Variants in BACH2 observed in about 807,000 individuals in gnomAD.
BACH2 encodes BACH transcriptional regulator 2, also known as transcription regulator protein BACH2.
In BACH2, 5 loss-of-function variants were observed where a neutral mutation model predicts 61.8. The observed-to-expected ratio is 0.08, with a 90% confidence interval of 0.04 to 0.17. The LOEUF (loss-of-function observed/expected upper bound fraction) is 0.17. Ranked by LOEUF, BACH2 falls within the 10% of genes least tolerant of loss-of-function variation. The probability of loss-of-function intolerance (pLI) is 1.00; values close to 1 mark genes in which losing one functional copy is unlikely to be tolerated. For synonymous variants in BACH2, 446 were observed against 440.1 expected, an observed-to-expected ratio of 1.01 and a Z score of -0.17; for missense variants, 824 against 1,091.1, an observed-to-expected ratio of 0.76 and a Z score of 3.45.
At chr6:90,245,236 T>G (rs768943150) in intron 3 of BACH2, among the ~76,000 whole-genome samples, 5 of 151,796 alleles carry the variant, frequency 3.3e-5, no homozygotes, top group Non-Finnish European at 7.4e-5. Context: ...TTAAGTAAAC[T>G]GATGAAAATT....
chr6:90,067,707 CT>C (rs1781030872), intron 5 of BACH2, among the ~76,000 whole-genome samples: 2 of 152,112 alleles, frequency 1.3e-5, no homozygotes, highest in African/African-American at 4.8e-5. Context: ...TGCCATTGAG[CT>C]TTGTTTGTTA....
chr6:90,244,110 C>G (rs1302482901), intron 3 of BACH2, among the ~76,000 whole-genome samples: 2 of 152,016 alleles, frequency 1.3e-5, no homozygotes, highest in African/African-American at 4.8e-5. Context: ...TTAGTAGGGA[C>G]AGGGTTTCAC....
At chr6:90,216,507 CTG>C (rs1259085870) in intron 3 of BACH2, among the ~76,000 whole-genome samples, 1 of 152,182 alleles carries the variant, frequency 6.6e-6, no homozygotes, top group Admixed American at 6.5e-5. Flanking sequence ...GGGAAACTCA[CTG>C]TAAGGGAGTC....
chr6:90,265,420 G>A (rs2127877864), intron 2 of BACH2, among the ~76,000 whole-genome samples: 1 of 152,266 alleles, frequency 6.6e-6, no homozygotes, highest in Admixed American at 6.5e-5. Flanking sequence ...ATTTTCTTTG[G>A]GATGCAAACA....
chr6:90,115,874 A>G (rs1005926604), intron 4 of BACH2, among the ~76,000 whole-genome samples: 3 of 152,196 alleles, frequency 2.0e-5, no homozygotes, highest in African/African-American at 7.2e-5. Context: ...ACGAACAAAC[A>G]CTTCTCAAAA....
chr6:90,033,149 T>C (rs138038339), intron 5 of BACH2, among the ~76,000 whole-genome samples: 2,229 of 151,732 alleles, frequency 0.015, 66 homozygotes, highest in African/African-American at 0.05. Flanking sequence ...TAGGTGCGAA[T>C]TGAACAATGA....
chr6:89,984,856 G>A (rs1446327688), intron 6 of BACH2, among the ~76,000 whole-genome samples: 6 of 152,020 alleles, frequency 3.9e-5, no homozygotes, highest in Admixed American at 3.3e-4. Flanking sequence ...TTTAACACAC[G>A]AATCATACTT....
chr6:90,273,359 A>T (rs1442311805), intron 1 of BACH2, among the ~76,000 whole-genome samples: 1 of 152,132 alleles, frequency 6.6e-6, no homozygotes, highest in African/African-American at 2.4e-5. Context: ...CTCTGTTTCT[A>T]AAAAAAGTGG....
Position 89,951,364 on chromosome 6 carries a change from G to C in BACH2, c.742C>G (p.His248Asp), listed in dbSNP as rs1209220098. ...GTGCTTGCAAAACCTGAGGTACTGT[G>C]TGATGATGCATTATAGACATTCTTG... ...CTKNVYNASS[H>D]STSGFASTFR... Residue 248 changes from histidine to aspartate, a missense_variant, in exon 7 of 9, where the codon CAC (histidine) becomes GAC (aspartate). Physicochemically the swap from His to Asp is moderately conservative, Grantham distance 81. Coordinates refer to ENST00000257749, the MANE Select transcript of BACH2 (RefSeq NM_021813.4). This position sits in a 1 kb window ranked among gnomAD's most constrained non-coding sequence, Gnocchi z 6.4. 34 of 1,614,240 alleles carry C rather than the reference G, an allele frequency of 2.1e-5. No individual in the cohort carries two copies. The highest frequency in any genetic ancestry group is 2.9e-5 in the Non-Finnish European group (34 of 1,180,044).
At chr6:90,116,437 C>G (rs554090594) in intron 4 of BACH2, among the ~76,000 whole-genome samples, 1 of 151,940 alleles carries the variant, frequency 6.6e-6, no homozygotes, top group Admixed American at 6.6e-5. Flanking sequence ...GTGGGAGCTA[C>G]GTGATAAGAA....
intron 8 of BACH2, among the ~76,000 whole-genome samples, chr6:89,935,775 G>C (rs62408168): frequency 6.6e-6 from 1 of 152,074 alleles, no homozygotes; most frequent in African/African-American, 2.4e-5. Flanking sequence ...ACCAAAACCA[G>C]GCATTTCTCA....
Position 90,018,856 on chromosome 6 carries a change from G to A in BACH2, c.-12-10000C>T, listed in dbSNP as rs188813140. Among the ~76,000 whole-genome samples the A allele has an allele frequency of 1.1e-3, 163 of 152,188 alleles. 1 individual carries two copies. The highest frequency in any genetic ancestry group is 3.8e-3 in the African/African-American group (156 of 41,532). ...TTCAGTTATAATGACCCTAAGCCACGGGGTAAGATCGAGTTCACCTGGCTT... is the reference window on the plus strand; with the variant it reads ...TTCAGTTATAATGACCCTAAGCCACAGGGTAAGATCGAGTTCACCTGGCTT... On this transcript the variant is annotated intron_variant, in intron 5 of 8. Coordinates refer to ENST00000257749, the MANE Select transcript of BACH2 (RefSeq NM_021813.4).
intron 4 of BACH2, among the ~76,000 whole-genome samples, chr6:90,186,136 T>C (rs555103080): frequency 1.3e-5 from 2 of 152,352 alleles, no homozygotes; most frequent in South Asian, 4.1e-4. Flanking sequence ...TGTTATATAA[T>C]GAATGTAATT....
chr6:90,034,779 T>C (rs182806945), intron 5 of BACH2, among the ~76,000 whole-genome samples: 39 of 152,212 alleles, frequency 2.6e-4, no homozygotes, highest in Non-Finnish European at 7.4e-5. Flanking sequence ...TAACTGAAAA[T>C]ATAATAATGG....
chr6:89,939,297 C>T (rs1184880970), intron 7 of BACH2, among the ~76,000 whole-genome samples: 1 of 152,154 alleles, frequency 6.6e-6, no homozygotes, highest in Non-Finnish European at 1.5e-5. Context: ...TTCTCTAGCC[C>T]CAGTCAAACC....
At chr6:90,196,654 T>G (rs868058772) in intron 4 of BACH2, among the ~76,000 whole-genome samples, 1 of 152,140 alleles carries the variant, frequency 6.6e-6, no homozygotes, top group Non-Finnish European at 1.5e-5. Flanking sequence ...TTTTCATGAT[T>G]GGTTGCAGTT....
intron 4 of BACH2, among the ~76,000 whole-genome samples, chr6:90,094,759 C>T (rs923489341): frequency 2.6e-5 from 4 of 152,156 alleles, no homozygotes; most frequent in African/African-American, 9.6e-5. Flanking sequence ...GGGAATGACA[C>T]CAGTCAGCCA....
chr6:90,260,992 G>A (rs576979916), intron 2 of BACH2, among the ~76,000 whole-genome samples: 1 of 152,342 alleles, frequency 6.6e-6, no homozygotes, highest in South Asian at 2.1e-4. Context: ...ATGACTGGGA[G>A]ACGCTAGTGG....
intron 1 of BACH2, among the ~76,000 whole-genome samples, chr6:90,281,769 T>C (rs656214): frequency 0.76 from 115,688 of 152,024 alleles, 45,297 homozygotes; most frequent in African/African-American, 0.94. Context: ...GAATGTATTG[T>C]CTGCCAGTCA....
Sources: allele counts gnomAD v4.1 joint callset (sites outside exome capture counted in the v4.1 genomes callset), GRCh38; gene constraint gnomAD v4.1.1; non-coding constraint Gnocchi (gnomAD v3.1); transcripts MANE v1.5; gene names NCBI Gene and HGNC (gene_info 2026-07-23, HGNC 2026-07-21).